Variants in WDFY4 observed in about 807,000 individuals in gnomAD.
WDFY4 encodes the protein WD repeat- and FYVE domain-containing protein 4.
A neutral mutation model predicts 351.9 loss-of-function variants in WDFY4; 169 were observed. The ratio of observed to expected loss-of-function variants is 0.48; its 90% CI spans 0.42 to 0.55. WDFY4 has a LOEUF of 0.55. WDFY4 is among the 20% of genes least tolerant of loss of function. The pLI is 0.00. For missense variants in WDFY4, 3,803 were observed against 3,935.6 expected (o/e 0.97, Z 0.90); for synonymous variants, 1,622 against 1,574.6 (o/e 1.03, Z -0.71).
intron 23 of WDFY4, among the ~76,000 whole-genome samples, chr10:48,793,771 G>T (rs1291618062): frequency 2.0e-5 from 3 of 152,204 alleles, no homozygotes; most frequent in Admixed American, 6.5e-5. Flanking sequence ...GAAAACAGGG[G>T]TCTTCAATTA....
intron 53 of WDFY4, 119 bp from the exon 54 acceptor site, chr10:48,963,723 C>A (rs1841960828): frequency 1.7e-6 from 2 of 1,148,802 alleles, no homozygotes; most frequent in Non-Finnish European, 2.5e-6. Context: ...AGGGGCTCAT[C>A]AATTATCTCC....
At chr10:48,878,437 T>C (rs968934096) in intron 43 of WDFY4, 8 of 152,246 alleles carry the variant, frequency 5.3e-5, no homozygotes, top group African/African-American at 1.4e-4. Context: ...GAATTGCTTA[T>C]GAACTTGCTG....
chr10:48,859,919 A>T (rs1236058903), intron 39 of WDFY4, among the ~76,000 whole-genome samples: 1 of 152,214 alleles, frequency 6.6e-6, no homozygotes, highest in African/African-American at 2.4e-5. Flanking sequence ...GTATTGGATG[A>T]GTCGTGGTAG....
intron 47 of WDFY4, among the ~76,000 whole-genome samples, chr10:48,918,191 GACA>G (rs879658660): frequency 1.3e-5 from 2 of 152,200 alleles, no homozygotes; most frequent in East Asian, 1.9e-4. Context: ...GGAGCAAACA[GACA>G]ACAACTATTA....
chr10:48,690,339 C>A (rs1013325858), intron 1 of WDFY4, among the ~76,000 whole-genome samples: 8 of 152,196 alleles, frequency 5.3e-5, no homozygotes, highest in Non-Finnish European at 1.0e-4. Flanking sequence ...GCAATCAAAT[C>A]ATTTTCACAT....
rs2064902765 is a variant in WDFY4 at position 48,743,065 on chromosome 10, G to C, written c.1976G>C (p.Gly659Ala). ...CTGTCTCTGCTCTCTGACCTGGAAG[G>C]CTCCCTCCAGGAGCCCCCGCTGCAG... is the stretch of plus-strand genomic sequence containing the variant. ...GLLSLLSDLEGSLQEPPLQAW... is the reference protein window; with the variant it reads ...GLLSLLSDLEASLQEPPLQAW... The change falls in exon 12 of 62, where the codon GGC becomes GCC. Residue 659 changes from glycine to alanine, a missense_variant. Coordinates refer to ENST00000325239, the MANE Select transcript of WDFY4 (RefSeq NM_001394531.1). 6.4e-7 allele frequency: 1 copy of C among 1,551,620 alleles called. No homozygotes were observed. Among genetic ancestry groups the C allele is most frequent in the Non-Finnish European group, 8.7e-7 (1 of 1,146,990 alleles).
At chr10:48,711,757 G>A (rs2063773267) in intron 2 of WDFY4, among the ~76,000 whole-genome samples, 1 of 152,202 alleles carries the variant, frequency 6.6e-6, no homozygotes. Flanking sequence ...AGACGGCATC[G>A]AATAGCACAC....
At chr10:48,790,356 G>A (rs1194844152) in intron 22 of WDFY4, among the ~76,000 whole-genome samples, 1 of 152,240 alleles carries the variant, frequency 6.6e-6, no homozygotes. Context: ...ACAAATTGGT[G>A]CAAGTGCCCT....
chr10:48,732,729 T>G (rs1231084434), intron 9 of WDFY4, among the ~76,000 whole-genome samples: 1 of 152,264 alleles, frequency 6.6e-6, no homozygotes, highest in Non-Finnish European at 1.5e-5. Flanking sequence ...GACCCACTGC[T>G]GTGCCTGGTA....
At chr10:48,858,012 T>C (rs2069199570) in intron 39 of WDFY4, among the ~76,000 whole-genome samples, 1 of 152,134 alleles carries the variant, frequency 6.6e-6, no homozygotes, top group Non-Finnish European at 1.5e-5. Flanking sequence ...CAGGTTCGTC[T>C]TGAACTCTTG....
At chr10:48,914,221 AATC>A in intron 47 of WDFY4, 1 of 1,509,712 alleles carries the variant, frequency 6.6e-7, no homozygotes, top group Non-Finnish European at 8.9e-7. Context: ...TGTGAGGAAA[AATC>A]ATGAAAAACT....
intron 48 of WDFY4, among the ~76,000 whole-genome samples, chr10:48,942,556 T>C (rs901485270): frequency 2.6e-5 from 4 of 152,180 alleles, no homozygotes; most frequent in Non-Finnish European, 5.9e-5. Context: ...CCTGGACAAG[T>C]TGACATTCAG....
chr10:48,803,394 T>A, intron 25 of WDFY4, 35 bp downstream of exon 25: 1 of 1,545,522 alleles, frequency 6.5e-7, no homozygotes, highest in African/African-American at 1.4e-5. Flanking sequence ...GGGTTAGAAC[T>A]GAAGGCTGAA....
intron 12 of WDFY4, among the ~76,000 whole-genome samples, chr10:48,752,684 A>G (rs781775195): frequency 1.7e-4 from 26 of 152,378 alleles, no homozygotes; most frequent in Non-Finnish European, 7.3e-5. Flanking sequence ...TTTGAGATTC[A>G]TTTACATTGT....
rs760076782 is a variant in WDFY4 at position 48,880,570 on chromosome 10, G to A, written c.7167+3371G>A. 4.6e-5 allele frequency among the ~76,000 whole-genome samples: 7 copies of A among 152,348 alleles called. No individual in the cohort carries two copies. The East Asian group carries it at 9.6e-4, about 21-fold the overall frequency. Reference sequence around the variant, plus strand: ...GTGCAGACAGGAGCATGTGGAACCCGGTGGGCGGTCGGGAGGGGAAAGAGC... The same window carrying A: ...GTGCAGACAGGAGCATGTGGAACCCAGTGGGCGGTCGGGAGGGGAAAGAGC... On this transcript the variant is annotated intron_variant, in intron 43 of 61. Transcript: ENST00000325239.
Position 48,877,105 on chromosome 10 carries a change from T to C in WDFY4, c.7073T>C (p.Phe2358Ser). 6.5e-7 allele frequency: 1 copy of C among 1,548,542 alleles called. No homozygotes were observed. Among genetic ancestry groups the C allele is most frequent in the Non-Finnish European group, 8.7e-7 (1 of 1,145,246 alleles). ...GTGGACTGCACCCAGCTGACCTTCT[T>C]CCCAGCCTTACACGAAAGTCTGCAC... is the stretch of plus-strand genomic sequence containing the variant. ...VGVDCTQLTF[F>S]PALHESLHSE... The change falls in exon 43 of 62, where the codon TTC becomes TCC. Residue 2358 changes from phenylalanine (F) to serine (S), a missense_variant. By Grantham distance (155) the Phe-to-Ser change is radical. This residue lies in a region of WDFY4 where 3,054 missense variants were observed against 3,148.6 expected (regional missense o/e 0.97). Transcript: ENST00000325239.
chr10:48,830,571 G>A, intron 37 of WDFY4, 129 bp from the exon 38 acceptor site: 2 of 1,036,526 alleles, frequency 1.9e-6, no homozygotes, highest in Non-Finnish European at 2.8e-6. Flanking sequence ...AGCTTGCAAA[G>A]CTGGGGTGAT....
chr10:48,799,606 C>T (rs1027148316), intron 24 of WDFY4, among the ~76,000 whole-genome samples: 2 of 152,118 alleles, frequency 1.3e-5, no homozygotes, highest in Non-Finnish European at 2.9e-5. Flanking sequence ...AACCCTGTCT[C>T]TACTAAAAAT....
Position 48,813,950 on chromosome 10 carries a change from C to T in WDFY4, c.5215-7C>T, listed in dbSNP as rs1484378500. ...GGTCTGCTTACAGCTCCTGCCTCCT[C>T]TTCCAGGACAGCCTTGATGCCATGC... On this transcript the variant is annotated splice_polypyrimidine_tract_variant and splice_region_variant and intron_variant, in intron 30 of 61. Transcript: ENST00000325239. The T allele has an allele frequency of 1.3e-6, 2 of 1,534,620 alleles. No homozygotes were observed. The highest frequency in any genetic ancestry group is 1.4e-5 in the African/African-American group (1 of 72,462).
Sources: allele counts gnomAD v4.1 joint callset (sites outside exome capture counted in the v4.1 genomes callset), GRCh38; gene constraint gnomAD v4.1.1; regional missense constraint gnomAD v4.1.1; transcripts MANE v1.5; gene names NCBI Gene and HGNC (gene_info 2026-07-23, HGNC 2026-07-21).